Variants in CRACDL observed in about 807,000 individuals in gnomAD.
The protein encoded by CRACDL is CRACD-like protein.
Under a neutral mutation model 70.6 loss-of-function variants are expected in CRACDL, and 26 were observed. The ratio of observed to expected loss-of-function variants is 0.37; its 90% CI spans 0.27 to 0.51. CRACDL has a LOEUF of 0.51. CRACDL is among the 20% of genes least tolerant of loss of function. The pLI is 0.94. For synonymous variants in CRACDL, 618 were observed against 615.2 expected, an observed-to-expected ratio of 1.00 and a Z score of -0.07; for missense variants, 1,283 against 1,376.9, an observed-to-expected ratio of 0.93 and a Z score of 1.08.
In CRACDL at chr2:98,797,557, G is replaced by A. The variant is rs1703881647; in HGVS notation, c.2417-20C>T. The A allele has an allele frequency of 6.2e-7, 1 of 1,611,314 alleles. No individual in the cohort carries two copies. The highest frequency in any genetic ancestry group is 1.7e-5 in the Admixed American group (1 of 60,000). ...TCTTTTCTGTTGGGTAAAGGCACAA[G>A]ATTATAGAAACAGTCCTATTCCCTC... On this transcript the variant is annotated intron_variant, in intron 7 of 9. Transcript: ENST00000397899.
chr2:98,932,134 TG>T (rs1422712007), intron 1 of CRACDL, among the ~76,000 whole-genome samples: 1 of 152,204 alleles, frequency 6.6e-6, no homozygotes, highest in Non-Finnish European at 1.5e-5. Context: ...CTGTCTGTGT[TG>T]TCCTACCCAC....
At chr2:98,924,794 T>C (rs781726738) in intron 1 of CRACDL, among the ~76,000 whole-genome samples, 2 of 152,220 alleles carry the variant, frequency 1.3e-5, no homozygotes, top group African/African-American at 4.8e-5. Context: ...TAACCAGGAA[T>C]ACCTTAGCCC....
rs189299447 is a variant in CRACDL at position 98,869,284 on chromosome 2, G to A, written c.-10-22474C>T. ...TCTCACAGAAGTACCCGTGCGCCAGGAGGAAGTGGGGCTTCTGCCAAGCCC... is the reference window on the plus strand; with the variant it reads ...TCTCACAGAAGTACCCGTGCGCCAGAAGGAAGTGGGGCTTCTGCCAAGCCC... On this transcript the variant is annotated intron_variant, in intron 1 of 9. Transcript: ENST00000397899. 7.4e-5 allele frequency: 91 copies of A among 1,226,840 alleles called. No individual in the cohort carries two copies. The African/African-American group carries it at 1.3e-3, about 18-fold the overall frequency. The allele number at this position is 1,226,840 out of a possible 1,614,324, so 76.0% of individuals were successfully genotyped here.
At chr2:98,825,446 A>T (rs1325929049) in intron 6 of CRACDL, among the ~76,000 whole-genome samples, 3 of 152,382 alleles carry the variant, frequency 2.0e-5, no homozygotes, top group South Asian at 4.1e-4. Flanking sequence ...AGCCCTGCCC[A>T]GATGGGAGCA....
In CRACDL at chr2:98,794,684, G is replaced by A; in HGVS notation, c.2750-13C>T. 4 of 1,600,022 alleles carry A rather than the reference G, an allele frequency of 2.5e-6. No homozygotes were observed. Among genetic ancestry groups the A allele is most frequent in the East Asian group, 2.2e-5 (1 of 44,576 alleles). On this transcript the variant is annotated splice_polypyrimidine_tract_variant and intron_variant, in intron 9 of 9. Transcript: ENST00000397899. The stretch of plus-strand genomic sequence containing the variant: ...ACTGCAGACTGAGCTGCTTGGAAGG[G>A]AGACAAAACCAACAGAAACATGAGC...
At chr2:98,863,115 T>C (rs1369222761) in intron 1 of CRACDL, among the ~76,000 whole-genome samples, 1 of 152,086 alleles carries the variant, frequency 6.6e-6, no homozygotes, top group Non-Finnish European at 1.5e-5. Flanking sequence ...AATCAAACTG[T>C]TGAAAGCCAA....
At chr2:98,795,218 G>A (rs1439648098) in intron 9 of CRACDL, among the ~76,000 whole-genome samples, 1 of 150,876 alleles carries the variant, frequency 6.6e-6, no homozygotes, top group Non-Finnish European at 1.5e-5. Flanking sequence ...TGGGATTACA[G>A]ACATGCGCCA....
At chr2:98,924,882 A>G (rs559165076) in intron 1 of CRACDL, among the ~76,000 whole-genome samples, 61 of 152,364 alleles carry the variant, frequency 4.0e-4, no homozygotes, top group African/African-American at 1.3e-3. Flanking sequence ...CAGTTACAAC[A>G]TATCTGCCAT....
intron 4 of CRACDL, 137 bp downstream of exon 4, chr2:98,832,725 G>T: frequency 4.3e-6 from 5 of 1,168,756 alleles, no homozygotes; most frequent in Non-Finnish European, 6.2e-6. Flanking sequence ...AGCTCATTTG[G>T]TGTGTCCTGG....
intron 1 of CRACDL, among the ~76,000 whole-genome samples, chr2:98,874,244 C>T (rs961554048): frequency 2.0e-5 from 3 of 152,214 alleles, no homozygotes; most frequent in East Asian, 3.8e-4. Context: ...TCTTTTCTCG[C>T]TTAATACCCC....
chr2:98,831,899 C>T (rs1705558695), intron 5 of CRACDL, among the ~76,000 whole-genome samples: 1 of 152,142 alleles, frequency 6.6e-6, no homozygotes, highest in African/African-American at 2.4e-5. Flanking sequence ...ACCCCTAGGC[C>T]AACACCACCT....
intron 1 of CRACDL, among the ~76,000 whole-genome samples, chr2:98,909,659 T>C (rs909545673): frequency 3.3e-5 from 5 of 152,204 alleles, no homozygotes; most frequent in Non-Finnish European, 7.3e-5. Context: ...CACTGAAACC[T>C]GACACCCAGA....
intron 2 of CRACDL, among the ~76,000 whole-genome samples, chr2:98,838,626 C>T (rs549247732): frequency 1.1e-4 from 17 of 152,042 alleles, no homozygotes; most frequent in African/African-American, 3.6e-4. Context: ...ATGATTGCAC[C>T]GCTACACTCC....
At chr2:98,846,562 G>T (rs12712037) in intron 2 of CRACDL, among the ~76,000 whole-genome samples, 169 bp downstream of exon 2, 45,194 of 152,032 alleles carry the variant, frequency 0.3, 6,984 homozygotes, top group Admixed American at 0.35. Context: ...TAAATAATGT[G>T]CATGTGCCCC....
intron 1 of CRACDL, among the ~76,000 whole-genome samples, chr2:98,929,596 G>A (rs1160514495): frequency 6.6e-6 from 1 of 152,142 alleles, no homozygotes. Flanking sequence ...AACCTCTACA[G>A]ACCCACACCT....
chr2:98,859,483 G>A (rs1352067138), intron 1 of CRACDL, among the ~76,000 whole-genome samples: 1 of 152,176 alleles, frequency 6.6e-6, no homozygotes, highest in Non-Finnish European at 1.5e-5. Flanking sequence ...ATTTGTTGAA[G>A]AATGCAAGGT....
At chr2:98,909,687 G>C (rs562814541) in intron 1 of CRACDL, among the ~76,000 whole-genome samples, 1 of 152,172 alleles carries the variant, frequency 6.6e-6, no homozygotes, top group Non-Finnish European at 1.5e-5. Context: ...GCCTCTCCAG[G>C]GAACGGGCCT....
At chr2:98,857,524 AAGGCC>A (rs1706755356) in intron 1 of CRACDL, among the ~76,000 whole-genome samples, 1 of 152,162 alleles carries the variant, frequency 6.6e-6, no homozygotes, top group African/African-American at 2.4e-5. Flanking sequence ...TGTATATTAT[AAGGCC>A]TAGATCAGCT....
rs139733160 is a variant in CRACDL at position 98,848,345 on chromosome 2, A to C, written c.-10-1535T>G. Among the ~76,000 whole-genome samples the C allele has an allele frequency of 5.3e-5, 8 of 152,150 alleles. No homozygotes were observed. In the East Asian group the frequency reaches 1.5e-3, roughly 29 times the overall value. On this transcript the variant is annotated intron_variant, in intron 1 of 9. Coordinates refer to ENST00000397899, the MANE Select transcript of CRACDL (RefSeq NM_207362.3). ...GTCAGTCAGCAACCCCCTCATCCCC[A>C]AGAGTCCTTTAGAGGTGGTAGCTGC...
Sources: gnomAD v4.1 joint callset for allele counts (sites outside exome capture counted in the v4.1 genomes callset) on GRCh38, gnomAD v4.1.1 for gene constraint, MANE v1.5 for transcripts, NCBI Gene and HGNC (gene_info 2026-07-23, HGNC 2026-07-21) for gene names.